The following SUPT5H variants were observed in gnomAD, a reference collection of about 807,000 sequenced individuals.
The protein encoded by SUPT5H is SPT5 homolog, DSIF elongation factor subunit.
SUPT5H carries 24 observed loss-of-function variants against 142.5 expected under a neutral mutation model. The observed-to-expected ratio is 0.17, with a 90% confidence interval of 0.12 to 0.24. The LOEUF (loss-of-function observed/expected upper bound fraction) is 0.24, where lower values mean the gene tolerates loss of function less well. SUPT5H is among the 10% of genes least tolerant of loss of function. The pLI is 1.00. For missense variants in SUPT5H, 893 were observed against 1,471.8 expected, an observed-to-expected ratio of 0.61 and a Z score of 6.43; for synonymous variants, 546 against 553.0, an observed-to-expected ratio of 0.99 and a Z score of 0.18.
Position 39,458,668 on chromosome 19 carries a change from T to C in SUPT5H, c.320-150T>C, listed in dbSNP as rs2079122861. On this transcript the variant is annotated intron_variant, in intron 5 of 29. Coordinates refer to ENST00000432763, the MANE Select transcript of SUPT5H (RefSeq NM_001111020.3). This position sits in a 1 kb window ranked among gnomAD's most constrained non-coding sequence, Gnocchi z 4.2. ...AAGCAGGATGCTGAGTAGGACAGAG[T>C]AGGGGATGAGGGGTTGGGATTTCCT... is the stretch of plus-strand genomic sequence containing the variant. The C allele has an allele frequency of 1.3e-6, 1 of 773,626 alleles. No individual in the cohort carries two copies. The highest frequency in any genetic ancestry group is 2.7e-5 in the East Asian group (1 of 37,176). The allele number at this position is 773,626 out of a possible 1,614,324, so 47.9% of individuals were successfully genotyped here. A position where few individuals can be genotyped will look rare whatever the true frequency, so the allele number is the denominator to read the frequency against.
rs749210829 is a variant in SUPT5H at position 39,473,915 on chromosome 19, C to G, written c.2493-48C>G. The G allele has an allele frequency of 3.1e-6, 5 of 1,612,316 alleles. No homozygotes were observed. In the Middle Eastern group the frequency reaches 5.0e-4, roughly 160 times the overall value. On this transcript the variant is annotated intron_variant, in intron 25 of 29. Coordinates refer to ENST00000432763, the MANE Select transcript of SUPT5H (RefSeq NM_001111020.3). This position sits in a 1 kb window ranked among gnomAD's most constrained non-coding sequence, Gnocchi z 5.8. Reference sequence around the variant, plus strand: ...TGTAGGGTGCTGTTCTGGAAGCATCCATCGCATTATCACCACAGTCGCTGT... The same window carrying G: ...TGTAGGGTGCTGTTCTGGAAGCATCGATCGCATTATCACCACAGTCGCTGT...
Position 39,469,290 on chromosome 19 carries a change from T to C in SUPT5H, c.1266T>C (p.Pro422=). The stretch of plus-strand genomic sequence containing the variant: ...AGGAGCGGGAGCACAACTTCCAACC[T>C]GGGGACAACGTGGAGGTCTGTGAGG... ...TGKEREHNFQ[P]GDNVEVCEGE... Residue 422 remains proline (P), a synonymous_variant, in exon 16 of 30, where the codon CCT becomes CCC. Coordinates refer to ENST00000432763, the MANE Select transcript of SUPT5H (RefSeq NM_001111020.3). This position sits in a 1 kb window ranked among gnomAD's most constrained non-coding sequence, Gnocchi z 5.1. 2 of 1,614,058 alleles carry C rather than the reference T, an allele frequency of 1.2e-6. No homozygotes were observed.
At chr19:39,476,038 G>T in intron 28 of SUPT5H, 43 bp from the exon 29 acceptor site, 1 of 1,577,814 alleles carries the variant, frequency 6.3e-7, no homozygotes, top group South Asian at 1.1e-5. Context: ...TCAGTCCCAT[G>T]TTGGGAGCAG....
Position 39,470,994 on chromosome 19 carries a change from A to C in SUPT5H, c.1678-363A>C, listed in dbSNP as rs1473182098. On this transcript the variant is annotated intron_variant, in intron 18 of 29. Coordinates refer to ENST00000432763, the MANE Select transcript of SUPT5H (RefSeq NM_001111020.3). This position sits in a 1 kb window ranked among gnomAD's most constrained non-coding sequence, Gnocchi z 5.8. Reference sequence around the variant, plus strand: ...AGTTTCCCTCTGTAAGATGGAAATCATGACAGAATCCACCTCAGAGGAAGT... The same window carrying C: ...AGTTTCCCTCTGTAAGATGGAAATCCTGACAGAATCCACCTCAGAGGAAGT... 6.6e-6 allele frequency among the ~76,000 whole-genome samples: 1 copy of C among 152,156 alleles called. No homozygotes were observed. Among genetic ancestry groups the C allele is most frequent in the Admixed American group, 6.5e-5 (1 of 15,274 alleles).
rs1353998404 is a variant in SUPT5H, at chr19:39,459,262, G to A, written c.524+13G>A. The A allele has an allele frequency of 7.1e-6, 11 of 1,556,938 alleles. No homozygotes were observed. The East Asian group carries it at 2.7e-4, about 38-fold the overall frequency. ...TCCCAGGAGTCAAGTAAGGGGGTTGGGATGGTGGGGGCCGTGCTGGGGTGC... is the reference window on the plus strand; with the variant it reads ...TCCCAGGAGTCAAGTAAGGGGGTTGAGATGGTGGGGGCCGTGCTGGGGTGC... On this transcript the variant is annotated intron_variant, in intron 8 of 29. Transcript: ENST00000432763.
rs1320148077 is a variant in SUPT5H, at chr19:39,466,978, A to T, written c.1037+233A>T. 1 of 537,532 alleles carries T rather than the reference A, an allele frequency of 1.9e-6. No homozygotes were observed. Among genetic ancestry groups the T allele is most frequent in the Non-Finnish European group, 3.3e-6 (1 of 302,290 alleles). The allele number at this position is 537,532 out of a possible 1,614,324, so 33.3% of individuals were successfully genotyped here. On this transcript the variant is annotated intron_variant, in intron 13 of 29. Transcript: ENST00000432763. The surrounding 1 kb of genome is among the most constrained non-coding windows in gnomAD (Gnocchi z 4.3). ...AGGGAGCACTTTGGAAGGCTAAGGC[A>T]GGAGGCTTGCTTGAGGCAAGGAGTT...
rs200314149 is a variant in SUPT5H, at chr19:39,466,595, G to A, written c.966+26G>A. On this transcript the variant is annotated intron_variant, in intron 12 of 29. Transcript: ENST00000432763. This position sits in a 1 kb window ranked among gnomAD's most constrained non-coding sequence, Gnocchi z 4.3. Reference sequence around the variant, plus strand: ...GTACTCAGGGGAATCTGTGGCCTGGGGGGGAGGGAGTGTGCTCGATCCCAC... The same window carrying A: ...GTACTCAGGGGAATCTGTGGCCTGGAGGGGAGGGAGTGTGCTCGATCCCAC... The A allele has an allele frequency of 2.0e-5, 31 of 1,568,370 alleles. No homozygotes were observed. The Admixed American group carries it at 2.1e-4, about 11-fold the overall frequency.
intron 4 of SUPT5H, 192 bp downstream of exon 4, chr19:39,457,932 G>A (rs1363484144): frequency 1.9e-6 from 2 of 1,044,874 alleles, no homozygotes; most frequent in African/African-American, 3.2e-5. Flanking sequence ...GGGGGGTGGG[G>A]CCCTGGGGTG....
In SUPT5H at chr19:39,472,653, G is replaced by A. The variant is rs2079337730; in HGVS notation, c.2036-157G>A. ...AGACGCCACAGTGACAGCCCAGAAT[G>A]GTCAGGGCTTCCATAGGAAAGCCAT... On this transcript the variant is annotated intron_variant, in intron 21 of 29. Transcript: ENST00000432763. This position sits in a 1 kb window ranked among gnomAD's most constrained non-coding sequence, Gnocchi z 4.2. Among the ~76,000 whole-genome samples the A allele has an allele frequency of 6.6e-6, 1 of 152,200 alleles. No individual in the cohort carries two copies. The highest frequency in any genetic ancestry group is 2.4e-5 in the African/African-American group (1 of 41,442).
At position 39,458,185 on chromosome 19, in the gene SUPT5H, G is replaced by T; in HGVS notation, c.308-109G>T. On this transcript the variant is annotated intron_variant, in intron 4 of 29. Coordinates refer to ENST00000432763, the MANE Select transcript of SUPT5H (RefSeq NM_001111020.3). This position sits in a 1 kb window ranked among gnomAD's most constrained non-coding sequence, Gnocchi z 4.2. ...CTCCCTTCCCCTCCCCCAACCCATT[G>T]GTTGATTTTGCTGCTATAATTTGGC... 26 of 1,472,250 alleles carry T rather than the reference G, an allele frequency of 1.8e-5. No individual in the cohort carries two copies. Among genetic ancestry groups the T allele is most frequent in the Non-Finnish European group, 1.8e-5 (20 of 1,095,350 alleles). 91.2% of individuals were successfully genotyped at this position (1,472,250 alleles called of 1,614,324 possible).
Position 39,474,543 on chromosome 19 carries a change from A to G in SUPT5H, c.2849A>G (p.Tyr950Cys). ...QASPSPSPVG[Y>C]SPMTPGAPSP... ...AGCCCCAGCCCGAGCCCCGTTGGCT[A>G]CAGTCCTATGACACCTGGAGCTCCC... The change falls in exon 28 of 30, where the codon TAC (tyrosine) becomes TGC (cysteine). Residue 950 changes from tyrosine (Y) to cysteine (C), a missense_variant. Around this residue, in one of 6 missense-constraint regions of SUPT5H, gnomAD observed 336 missense variants for 546.5 expected, o/e 0.61. Coordinates refer to ENST00000432763, the MANE Select transcript of SUPT5H (RefSeq NM_001111020.3). This position sits in a 1 kb window ranked among gnomAD's most constrained non-coding sequence, Gnocchi z 6.5. 1 of 1,614,180 alleles carries G rather than the reference A, an allele frequency of 6.2e-7. No homozygotes were observed. The highest frequency in any genetic ancestry group is 8.5e-7 in the Non-Finnish European group (1 of 1,180,026).
intron 18 of SUPT5H, 98 bp from the exon 19 acceptor site, chr19:39,471,259 T>TC: frequency 7.0e-7 from 1 of 1,432,666 alleles, no homozygotes; most frequent in African/African-American, 1.4e-5. Context: ...CTTGGGACTG[T>TC]CTCCCACAAG....
chr19:39,457,979 C>T, intron 4 of SUPT5H: 1 of 805,162 alleles, frequency 1.2e-6, no homozygotes, highest in South Asian at 1.5e-5. Context: ...GATCCCAGGG[C>T]CCAGTGAATC....
At chr19:39,463,532 A>G (rs1357601891) in intron 10 of SUPT5H, among the ~76,000 whole-genome samples, 1 of 152,200 alleles carries the variant, frequency 6.6e-6, no homozygotes, top group Non-Finnish European at 1.5e-5. Context: ...CCTGTGGTTT[A>G]TTCTGGAAAG....
At position 39,459,027 on chromosome 19, in the gene SUPT5H, G is replaced by A; in HGVS notation, c.412G>A (p.Gly138Ser). The A allele has an allele frequency of 6.2e-7, 1 of 1,614,092 alleles. No homozygotes were observed. The highest frequency in any genetic ancestry group is 8.5e-7 in the Non-Finnish European group (1 of 1,180,018). Residue 138 changes from glycine (G) to serine (S), a missense_variant, in exon 7 of 30, where the codon GGC becomes AGC. Gly to Ser is a moderately conservative substitution (Grantham distance 56, BLOSUM62 0). This residue lies in a region of SUPT5H where 428 missense variants were observed against 763.5 expected (regional missense o/e 0.56). Coordinates refer to ENST00000432763, the MANE Select transcript of SUPT5H (RefSeq NM_001111020.3). The stretch of plus-strand genomic sequence containing the variant: ...CAGGGACCAGCGAGAAGAAGAACTG[G>A]GCGAGTATTACATGAAGAAATACGC... The part of the protein sequence containing the change: ...LWRDQREEEL[G>S]EYYMKKYAKS...
At chr19:39,456,265 C>T (rs1180868617) in intron 3 of SUPT5H, among the ~76,000 whole-genome samples, 8 of 150,226 alleles carry the variant, frequency 5.3e-5, no homozygotes, top group African/African-American at 7.4e-5. Context: ...GATCTCACTC[C>T]GTTTCCTAGG....
rs1327283839 is a variant in SUPT5H at position 39,453,480 on chromosome 19, C to G, written c.200C>G (p.Pro67Arg). The change falls in exon 3 of 30, where the codon CCC (proline) becomes CGC (arginine). Residue 67 changes from proline (P) to arginine (R), a missense_variant. By Grantham distance (103) the Pro-to-Arg change is moderately radical (BLOSUM62 -2). Transcript: ENST00000432763. ...GAGGAAGAAGATGATGACCGACCCC[C>G]CAAGAAACCCCGCCATGGAGGCTTC... ...EEEEEDDDRPPKKPRHGGFIL... is the reference protein window; with the variant it reads ...EEEEEDDDRPRKKPRHGGFIL... The G allele has an allele frequency of 6.5e-7, 1 of 1,549,986 alleles. No homozygotes were observed. Among genetic ancestry groups the G allele is most frequent in the Non-Finnish European group, 8.7e-7 (1 of 1,145,948 alleles).
intron 28 of SUPT5H, chr19:39,475,835 C>T: frequency 5.6e-6 from 3 of 540,302 alleles, no homozygotes; most frequent in Non-Finnish European, 9.9e-6. Flanking sequence ...CATGAAGAGT[C>T]AAGAAGCAGT....
chr19:39,462,386 C>T (rs560405454), intron 10 of SUPT5H, among the ~76,000 whole-genome samples: 1 of 152,236 alleles, frequency 6.6e-6, no homozygotes, highest in East Asian at 1.9e-4. Flanking sequence ...TATGAATCTA[C>T]CTTCTTTCTC....
Sources: gnomAD v4.1 joint callset for allele counts (sites outside exome capture counted in the v4.1 genomes callset) on GRCh38, gnomAD v4.1.1 for gene constraint, gnomAD v4.1.1 regional missense constraint, Gnocchi (gnomAD v3.1) non-coding constraint, MANE v1.5 for transcripts, NCBI Gene and HGNC (gene_info 2026-07-23, HGNC 2026-07-21) for gene names.